The following USP33 variants were observed in gnomAD, a reference collection of about 807,000 sequenced individuals.
USP33 encodes the protein ubiquitin specific peptidase 33.
USP33 carries 46 observed loss-of-function variants against 124.2 expected under a neutral mutation model. That is an observed-to-expected ratio of 0.37 (90% CI 0.29 to 0.47). The LOEUF is 0.47. USP33 is among the 20% of genes least tolerant of loss of function. The pLI is 0.99. For synonymous variants in USP33, 350 were observed against 352.3 expected, an observed-to-expected ratio of 0.99 and a Z score of 0.07; for missense variants, 851 against 1,070.6, an observed-to-expected ratio of 0.79 and a Z score of 2.86.
rs1365363832 is a variant in USP33 at position 77,697,345 on chromosome 1, T to C, written c.2708A>G (p.Lys903Arg). The C allele has an allele frequency of 4.4e-6, 7 of 1,601,712 alleles. No homozygotes were observed. Among genetic ancestry groups the C allele is most frequent in the Non-Finnish European group, 5.9e-6 (7 of 1,177,054 alleles). ...VDPDILQAEEKIEVETRSL is the reference protein window; with the variant it reads ...VDPDILQAEERIEVETRSL ...CAAAGACCGAGTTTCTACTTCAATTTTTTCTTCTGCTTGAAGTATATCTGG... is the reference window on the plus strand; with the variant it reads ...CAAAGACCGAGTTTCTACTTCAATTCTTTCTTCTGCTTGAAGTATATCTGG... The change falls in exon 24 of 24, where the codon AAA becomes AGA. Residue 903 changes from lysine to arginine, a missense_variant. Transcript: ENST00000370794.
At chr1:77,720,269 A>C in intron 15 of USP33, 1 of 972,106 alleles carries the variant, frequency 1.0e-6, no homozygotes, top group Non-Finnish European at 1.2e-6. Flanking sequence ...TACATTTGAC[A>C]GATCTCTACT....
chr1:77,701,293 C>T (rs115007809), intron 22 of USP33, 76 bp downstream of exon 22: 51,831 of 1,019,392 alleles, frequency 0.051, 1,656 homozygotes, highest in Middle Eastern at 0.065. Context: ...CAAGTGCACA[C>T]AGATATTCAA....
At chr1:77,704,582 G>A (rs1402038430) in intron 21 of USP33, among the ~76,000 whole-genome samples, 2 of 152,140 alleles carry the variant, frequency 1.3e-5, no homozygotes, top group Non-Finnish European at 2.9e-5. Flanking sequence ...TCTAAATGTA[G>A]TTCTCACTCT....
chr1:77,718,648 G>GGAGA lies in USP33; in HGVS notation c.1692-11_1692-8dup, dbSNP rs758332814. On this transcript the variant is annotated splice_region_variant and splice_polypyrimidine_tract_variant and intron_variant, in intron 15 of 23. Transcript: ENST00000370794. ...CTTCACTCCATTTCTCAACCTAAGGGGAGAAAAGAGAAAATCAATTAGTCT... is the reference window on the plus strand; with the variant it reads ...CTTCACTCCATTTCTCAACCTAAGGGGAGAGAGAAAAGAGAAAATCAATTAGTCT... The GGAGA allele has an allele frequency of 6.3e-7, 1 of 1,596,146 alleles. No individual in the cohort carries two copies. The highest frequency in any genetic ancestry group is 8.6e-7 in the Non-Finnish European group (1 of 1,168,820).
chr1:77,733,074 T>C (rs1156663127), intron 7 of USP33, among the ~76,000 whole-genome samples: 1 of 151,852 alleles, frequency 6.6e-6, no homozygotes, highest in African/African-American at 2.4e-5. Flanking sequence ...ATTACAGGCA[T>C]GAACCACCAC....
At chr1:77,718,787 G>A (rs1676210315) in intron 15 of USP33, 146 bp from the exon 16 acceptor site, 4 of 610,062 alleles carry the variant, frequency 6.6e-6, no homozygotes, top group African/African-American at 3.8e-5. Context: ...AAATTAGCCA[G>A]GCATGGTGGC....
chr1:77,741,370 A>T lies in USP33; in HGVS notation c.135+6T>A. 1 of 1,599,096 alleles carries T rather than the reference A, an allele frequency of 6.3e-7. No homozygotes were observed. Among genetic ancestry groups the T allele is most frequent in the South Asian group, 1.1e-5 (1 of 87,102 alleles). On this transcript the variant is annotated splice_donor_region_variant and intron_variant, in intron 3 of 23. Coordinates refer to ENST00000370794, the MANE Select transcript of USP33 (RefSeq NM_201624.3). ...GCAATCTTTTCAGGAAAAAACATAT[A>T]CACACCTCCAGACATGCCCAAAGAT...
chr1:77,736,273 G>A, intron 5 of USP33, 115 bp from the exon 6 acceptor site: 2 of 578,982 alleles, frequency 3.5e-6, no homozygotes, highest in Non-Finnish European at 5.6e-6. Context: ...TATTTTAATA[G>A]TGGAACCATA....
intron 21 of USP33, among the ~76,000 whole-genome samples, chr1:77,703,169 C>T (rs1674236797): frequency 6.6e-6 from 1 of 152,204 alleles, no homozygotes; most frequent in South Asian, 2.1e-4. Flanking sequence ...ATCATACTGG[C>T]CACTTTGTTA....
intron 22 of USP33, among the ~76,000 whole-genome samples, chr1:77,698,415 T>C (rs1000607128): frequency 1.3e-5 from 2 of 151,754 alleles, no homozygotes; most frequent in African/African-American, 4.8e-5. Flanking sequence ...TCTTCGTTTT[T>C]AGTTCTTAGT....
chr1:77,707,404 A>G (rs976813254), intron 21 of USP33, among the ~76,000 whole-genome samples: 1 of 152,158 alleles, frequency 6.6e-6, no homozygotes, highest in Non-Finnish European at 1.5e-5. Context: ...TCTGCTGTGT[A>G]TCTCTGTGAA....
intron 7 of USP33, 120 bp from the exon 8 acceptor site, chr1:77,730,851 T>C: frequency 1.8e-6 from 1 of 564,464 alleles, no homozygotes; most frequent in Non-Finnish European, 2.8e-6. Context: ...CTTTGATCCC[T>C]CTTACAGCTT....
At chr1:77,702,141 CAAAAAAAAAAAAAAAAAAAAA>C (rs58750531) in intron 21 of USP33, among the ~76,000 whole-genome samples, 5 of 15,784 alleles carry the variant, frequency 3.2e-4, no homozygotes, top group East Asian at 2.9e-3. Context: ...GACCCTGTCT[CAAAAAAAAAAAAAAAAAAAAA>C]AAAAAAAAAA....
Position 77,720,165 on chromosome 1 carries a change from GAAAAAAAAAAAA to G in USP33, c.1691+995_1691+1006del, listed in dbSNP as rs745681259. 9.2e-3 allele frequency among the ~76,000 whole-genome samples: 394 copies of G among 42,758 alleles called. 4 individuals carry two copies. The highest frequency in any genetic ancestry group is 0.029 in the African/African-American group (374 of 13,096). 28.1% of individuals were successfully genotyped at this position (42,758 alleles called of 152,430 possible). Reference sequence around the variant, plus strand: ...GACAGAATGAGACTATGTCTCAAATGAAAAAAAAAAAAAAAAAAAAAAAAAAAAACCTTTATT... The same window carrying G: ...GACAGAATGAGACTATGTCTCAAATGAAAAAAAAAAAAAAAAACCTTTATT... On this transcript the variant is annotated intron_variant, in intron 15 of 23. Coordinates refer to ENST00000370794, the MANE Select transcript of USP33 (RefSeq NM_201624.3).
chr1:77,731,037 C>T (rs1677744048), intron 7 of USP33, among the ~76,000 whole-genome samples: 1 of 152,164 alleles, frequency 6.6e-6, no homozygotes, highest in Non-Finnish European at 1.5e-5. Context: ...AATGCATTTT[C>T]CTACTTTTCC....
intron 22 of USP33, among the ~76,000 whole-genome samples, chr1:77,698,700 C>T (rs888836557): frequency 5.3e-5 from 8 of 151,728 alleles, no homozygotes; most frequent in Non-Finnish European, 1.2e-4. Flanking sequence ...TGGGGTTTCA[C>T]CGTGTTAGCC....
chr1:77,729,136 G>A (rs1677498839), intron 9 of USP33, among the ~76,000 whole-genome samples: 1 of 152,058 alleles, frequency 6.6e-6, no homozygotes, highest in Non-Finnish European at 1.5e-5. Flanking sequence ...AAGCTCCTGG[G>A]CTTAAGCAAT....
At chr1:77,698,655 C>G (rs1371246516) in intron 22 of USP33, among the ~76,000 whole-genome samples, 1 of 151,890 alleles carries the variant, frequency 6.6e-6, no homozygotes. Context: ...CACCCACCAC[C>G]ACGCCCAGCT....
Position 77,741,863 on chromosome 1 carries a change from A to T in USP33, c.-51-115T>A, listed in dbSNP as rs941531418. 10 of 999,016 alleles carry T rather than the reference A, an allele frequency of 1.0e-5. No individual in the cohort carries two copies. In the Admixed American group the frequency reaches 3.6e-4, roughly 36 times the overall value. 61.9% of individuals were successfully genotyped at this position (999,016 alleles called of 1,614,324 possible). ...ATATTAAAAATGATTAAAAGATAACATAAGAATGATATAAGTTTGCCCTGT... is the reference window on the plus strand; with the variant it reads ...ATATTAAAAATGATTAAAAGATAACTTAAGAATGATATAAGTTTGCCCTGT... On this transcript the variant is annotated intron_variant, in intron 1 of 23. Coordinates refer to ENST00000370794, the MANE Select transcript of USP33 (RefSeq NM_201624.3).
Sources: gnomAD v4.1 joint callset for allele counts (sites outside exome capture counted in the v4.1 genomes callset) on GRCh38, gnomAD v4.1.1 for gene constraint, MANE v1.5 for transcripts, NCBI Gene and HGNC (gene_info 2026-07-23, HGNC 2026-07-21) for gene names.